WWOX: variants seen among roughly 807,000 people sequenced by gnomAD.
The protein encoded by WWOX is WW domain-containing oxidoreductase.
In WWOX, 69 loss-of-function variants were observed where a neutral mutation model predicts 46.2. The ratio of observed to expected loss-of-function variants is 1.49; its 90% CI spans 1.23 to 1.82. WWOX has a LOEUF of 1.82. Among genes scored for constraint, WWOX ranks in the 40% most tolerant of loss-of-function variants. The pLI is 0.00. For synonymous variants in WWOX, 359 were observed against 202.6 expected, an observed-to-expected ratio of 1.77 and a Z score of -6.56; for missense variants, 919 against 542.6, an observed-to-expected ratio of 1.69 and a Z score of -6.89.
At chr16:78,780,993 C>T (rs941750455) in intron 8 of WWOX, among the ~76,000 whole-genome samples, 1 of 152,110 alleles carries the variant, frequency 6.6e-6, no homozygotes, top group African/African-American at 2.4e-5. Flanking sequence ...ACTGGTGTGG[C>T]CGAAGGAGTG....
chr16:78,238,653 CTT>C (rs968940325), intron 5 of WWOX, among the ~76,000 whole-genome samples: 18 of 149,474 alleles, frequency 1.2e-4, no homozygotes, highest in Admixed American at 3.3e-4. Flanking sequence ...GAGTTTCGCT[CTT>C]GTTGCCCAGG....
chr16:78,152,937 G>A (rs2034467558), intron 4 of WWOX, among the ~76,000 whole-genome samples: 1 of 152,058 alleles, frequency 6.6e-6, no homozygotes, highest in South Asian at 2.1e-4. Flanking sequence ...ATGTATTTAT[G>A]TTATTAGGGC....
At chr16:78,421,378 G>A (rs979441089) in intron 6 of WWOX, among the ~76,000 whole-genome samples, 10 of 152,052 alleles carry the variant, frequency 6.6e-5, no homozygotes, top group African/African-American at 2.4e-4. Context: ...CTCTGCCTCT[G>A]TCTTTCCATC....
At chr16:78,601,827 T>TG (rs1475080028) in intron 8 of WWOX, among the ~76,000 whole-genome samples, 1 of 152,088 alleles carries the variant, frequency 6.6e-6, no homozygotes, top group Non-Finnish European at 1.5e-5. Context: ...ACATTCCAAC[T>TG]GGGAATATTC....
intron 8 of WWOX, among the ~76,000 whole-genome samples, chr16:78,811,120 C>A (rs1010010707): frequency 1.3e-5 from 2 of 152,136 alleles, no homozygotes; most frequent in Non-Finnish European, 2.9e-5. Flanking sequence ...ATGCAGTGAA[C>A]AAATGATGAA....
chr16:78,881,664 A>T (rs1245132023), intron 8 of WWOX, among the ~76,000 whole-genome samples: 1 of 152,194 alleles, frequency 6.6e-6, no homozygotes, highest in Non-Finnish European at 1.5e-5. Context: ...TGTTAAATAC[A>T]GATAGACAAT....
At chr16:78,608,103 A>C (rs1272284910) in intron 8 of WWOX, among the ~76,000 whole-genome samples, 1 of 152,224 alleles carries the variant, frequency 6.6e-6, no homozygotes, top group Non-Finnish European at 1.5e-5. Context: ...ATATGATGTG[A>C]TGTGGCTTTC....
At chr16:78,973,171 G>T (rs2046505280) in intron 8 of WWOX, among the ~76,000 whole-genome samples, 1 of 152,144 alleles carries the variant, frequency 6.6e-6, no homozygotes, top group African/African-American at 2.4e-5. Flanking sequence ...CCGCCTTTAT[G>T]AAGGAGTGAA....
At chr16:78,216,547 C>A (rs1468591735) in intron 5 of WWOX, among the ~76,000 whole-genome samples, 1 of 32 alleles carries the variant, frequency 0.031, no homozygotes, top group African/African-American at 0.17. Context: ...TCCCATGACG[C>A]TAGAGGCTGA....
intron 8 of WWOX, among the ~76,000 whole-genome samples, chr16:78,445,855 G>T (rs1459327185): frequency 2.0e-5 from 3 of 150,430 alleles, no homozygotes; most frequent in African/African-American, 4.9e-5. Context: ...TCCAGCCTGG[G>T]TGATGGAGCA....
At chr16:79,074,707 C>T (rs1370452236) in intron 8 of WWOX, among the ~76,000 whole-genome samples, 3 of 151,860 alleles carry the variant, frequency 2.0e-5, no homozygotes, top group Non-Finnish European at 4.4e-5. Context: ...TGTTATTTAT[C>T]CTCTTCTTCC....
At position 78,285,904 on chromosome 16, in the gene WWOX, C is replaced by T. The variant is rs72790071; in HGVS notation, c.517-100956C>T. Among the ~76,000 whole-genome samples, 98 of 152,224 alleles carry T rather than the reference C, an allele frequency of 6.4e-4. 1 individual carries two copies. Among genetic ancestry groups the T allele is most frequent in the African/African-American group, 1.9e-3 (80 of 41,526 alleles). On this transcript the variant is annotated intron_variant, in intron 5 of 8. Coordinates refer to ENST00000566780, the MANE Select transcript of WWOX (RefSeq NM_016373.4). ...GGATAGTATCTTGTAAAGCCAGCCT[C>T]TTTATTACTTCACCAGTTTTAAGGC... is the stretch of plus-strand genomic sequence containing the variant.
chr16:78,119,779 A>T (rs1037352548), intron 4 of WWOX, among the ~76,000 whole-genome samples: 1 of 152,254 alleles, frequency 6.6e-6, no homozygotes, highest in African/African-American at 2.4e-5. Context: ...ATTAGCAAGT[A>T]TGAACAAATT....
intron 5 of WWOX, among the ~76,000 whole-genome samples, chr16:78,262,509 A>G (rs1023127131): frequency 2.0e-5 from 3 of 152,198 alleles, no homozygotes; most frequent in Non-Finnish European, 4.4e-5. Context: ...AGAGATGATA[A>G]TGGGGGCAGA....
At chr16:78,504,554 A>C (rs535732124) in intron 8 of WWOX, among the ~76,000 whole-genome samples, 1 of 152,184 alleles carries the variant, frequency 6.6e-6, no homozygotes, top group Admixed American at 6.5e-5. Flanking sequence ...TGCTCAACAG[A>C]CTGGCTCATT....
At chr16:78,924,333 T>C (rs145397507) in intron 8 of WWOX, among the ~76,000 whole-genome samples, 6 of 152,160 alleles carry the variant, frequency 3.9e-5, no homozygotes, top group African/African-American at 1.4e-4. Flanking sequence ...CTTTTAAACT[T>C]TGTTTGAAAA....
Position 78,540,440 on chromosome 16 carries a change from C to T in WWOX, c.1056+107688C>T, listed in dbSNP as rs375075511. Reference sequence around the variant, plus strand: ...ATTTGCTGATTGCAAATATACTTGTCTCTTCTCATGGGCATTACTAGTACT... The same window carrying T: ...ATTTGCTGATTGCAAATATACTTGTTTCTTCTCATGGGCATTACTAGTACT... On this transcript the variant is annotated intron_variant, in intron 8 of 8. Transcript: ENST00000566780. 7.2e-5 allele frequency among the ~76,000 whole-genome samples: 11 copies of T among 152,142 alleles called. No individual in the cohort carries two copies. In the East Asian group the frequency reaches 1.2e-3, roughly 16 times the overall value.
In WWOX at chr16:78,983,870, CTTT is replaced by C. The variant is rs760130115; in HGVS notation, c.1057-227717_1057-227715del. On this transcript the variant is annotated intron_variant, in intron 8 of 8. Coordinates refer to ENST00000566780, the MANE Select transcript of WWOX (RefSeq NM_016373.4). ...CAGTCCATCTGTTATGAGAGCTATT[CTTT>C]TTTTTTTTTTTTTTTTTTTTGTGAG... Among the ~76,000 whole-genome samples the C allele has an allele frequency of 8.2e-3, 658 of 79,832 alleles. 6 individuals are homozygous for C. Among genetic ancestry groups the C allele is most frequent in the African/African-American group, 0.03 (625 of 20,570 alleles). 52.4% of individuals were successfully genotyped at this position (79,832 alleles called of 152,430 possible).
Position 78,312,381 on chromosome 16 carries a change from C to CTTTTTT in WWOX, c.517-74471_517-74466dup, listed in dbSNP as rs561304972. On this transcript the variant is annotated intron_variant, in intron 5 of 8. Coordinates refer to ENST00000566780, the MANE Select transcript of WWOX (RefSeq NM_016373.4). ...GCCAGCTGGAGTTGTAGGTCTAATT[C>CTTTTTT]TTTTTTTTTTTTTAAGACGGAGTTG... 3.0e-5 allele frequency among the ~76,000 whole-genome samples: 4 copies of CTTTTTT among 132,852 alleles called. 1 individual carries two copies. Among genetic ancestry groups the CTTTTTT allele is most frequent in the East Asian group, 4.9e-4 (2 of 4,050 alleles). 87.2% of individuals were successfully genotyped at this position (132,852 alleles called of 152,430 possible).
Sources: gnomAD v4.1 joint callset for allele counts (sites outside exome capture counted in the v4.1 genomes callset) on GRCh38, gnomAD v4.1.1 for gene constraint, MANE v1.5 for transcripts, NCBI Gene and HGNC (gene_info 2026-07-23, HGNC 2026-07-21) for gene names.